Variants in SPTBN4 observed in about 807,000 individuals in gnomAD.
The protein encoded by SPTBN4 is spectrin beta chain, non-erythrocytic 4.
Under a neutral mutation model 277.8 loss-of-function variants are expected in SPTBN4, and 96 were observed. That is an observed-to-expected ratio of 0.35 (90% CI 0.29 to 0.41). The LOEUF is 0.41. Among genes scored for constraint, SPTBN4 ranks in the 10% least tolerant of loss-of-function variants. SPTBN4 has a pLI of 1.00. For synonymous variants in SPTBN4, 1,481 were observed against 1,580.3 expected (o/e 0.94, Z 1.49); for missense variants, 3,006 against 3,595.7 (o/e 0.84, Z 4.19).
chr19:40,485,978 TAA>T (rs35587768), intron 2 of SPTBN4, among the ~76,000 whole-genome samples: 5 of 129,330 alleles, frequency 3.9e-5, no homozygotes, highest in Admixed American at 7.9e-5. Context: ...AGGATGGCCA[TAA>T]AAAAAAAAAA....
chr19:40,537,415 T>C (rs1427064654), intron 20 of SPTBN4, among the ~76,000 whole-genome samples: 1 of 152,226 alleles, frequency 6.6e-6, no homozygotes, highest in Non-Finnish European at 1.5e-5. Context: ...TGAAAAACAC[T>C]GCTGCATGCT....
At chr19:40,482,403 G>A (rs2080022457) in intron 2 of SPTBN4, among the ~76,000 whole-genome samples, 1 of 152,032 alleles carries the variant, frequency 6.6e-6, no homozygotes, top group South Asian at 2.1e-4. Flanking sequence ...AGTCTTGTTA[G>A]CATGGAGCAA....
intron 16 of SPTBN4, among the ~76,000 whole-genome samples, chr19:40,521,960 A>G (rs1483628857): frequency 1.3e-5 from 2 of 149,780 alleles, no homozygotes; most frequent in African/African-American, 4.9e-5. Context: ...TGACCCACTC[A>G]TTTTACTAGT....
chr19:40,480,131 G>C (rs1429378161), intron 2 of SPTBN4, among the ~76,000 whole-genome samples: 3 of 151,818 alleles, frequency 2.0e-5, no homozygotes, highest in Non-Finnish European at 4.4e-5. Context: ...GGCACTTGTA[G>C]TCCCAGCTGC....
chr19:40,516,572 C>T (rs946094157), intron 15 of SPTBN4, among the ~76,000 whole-genome samples: 1 of 152,124 alleles, frequency 6.6e-6, no homozygotes, highest in African/African-American at 2.4e-5. Flanking sequence ...ACCTGTAATC[C>T]CAGCACTTTG....
chr19:40,518,697 T>A (rs2080487512), intron 15 of SPTBN4, among the ~76,000 whole-genome samples: 1 of 152,154 alleles, frequency 6.6e-6, no homozygotes, highest in African/African-American at 2.4e-5. Flanking sequence ...GTGCTGGGAT[T>A]ACAGGTGTGA....
At position 40,502,095 on chromosome 19, in the gene SPTBN4, A is replaced by T; in HGVS notation, c.898-33A>T. 6.2e-7 allele frequency: 1 copy of T among 1,613,322 alleles called. No individual in the cohort carries two copies. Among genetic ancestry groups the T allele is most frequent in the Admixed American group, 1.7e-5 (1 of 60,008 alleles). On this transcript the variant is annotated intron_variant, in intron 8 of 35. Transcript: ENST00000598249. The surrounding 1 kb of genome is among the most constrained non-coding windows in gnomAD (Gnocchi z 4.9). The stretch of plus-strand genomic sequence containing the variant: ...GAAGCTGGTGGCAGGCACGGGTGGG[A>T]TGAGGCTGACCCCCCTTCCTCTGCT...
intron 20 of SPTBN4, 137 bp downstream of exon 20, chr19:40,534,480 G>A: frequency 8.2e-7 from 1 of 1,226,032 alleles, no homozygotes; most frequent in Non-Finnish European, 1.1e-6. Context: ...GATGAGAAAG[G>A]GAATATTGAA....
At chr19:40,536,434 G>A (rs548498479) in intron 20 of SPTBN4, among the ~76,000 whole-genome samples, 16 of 152,098 alleles carry the variant, frequency 1.1e-4, no homozygotes, top group East Asian at 1.9e-4. Context: ...GGCTGGTCTC[G>A]AACTCCTGAC....
At chr19:40,520,198 C>T (rs2080511026) in intron 16 of SPTBN4, 47 bp downstream of exon 16, 9 of 1,097,526 alleles carry the variant, frequency 8.2e-6, no homozygotes, top group Middle Eastern at 6.1e-4. Context: ...TCCGAGGCCG[C>T]GGGGGGATTG....
At position 40,542,636 on chromosome 19, in the gene SPTBN4, C is replaced by T. The variant is rs886717388; in HGVS notation, c.4360-6553C>T. ...ACCCTAAGCAAAGCTCTTTCTCTGG[C>T]CAAGGAAACACCCTCCTCCCCCCTG... On this transcript the variant is annotated intron_variant, in intron 20 of 35. Coordinates refer to ENST00000598249, the MANE Select transcript of SPTBN4 (RefSeq NM_020971.3). 2.6e-5 allele frequency among the ~76,000 whole-genome samples: 4 copies of T among 151,264 alleles called. No homozygotes were observed. In the South Asian group the frequency reaches 8.4e-4, roughly 32 times the overall value.
chr19:40,538,468 A>T (rs2080763991), intron 20 of SPTBN4, among the ~76,000 whole-genome samples: 1 of 151,996 alleles, frequency 6.6e-6, no homozygotes, highest in African/African-American at 2.4e-5. Flanking sequence ...CTGGGGAGAT[A>T]ATACCCCAGA....
chr19:40,575,722 G>A lies in SPTBN4; in HGVS notation c.*153G>A. On this transcript the variant is annotated 3_prime_UTR_variant, in exon 36 of 36. Coordinates refer to ENST00000598249, the MANE Select transcript of SPTBN4 (RefSeq NM_020971.3). Reference sequence around the variant, plus strand: ...CACCGGAAAGGAGGGGACTTCTCCTGCACCCCAAGAAGTGGTGGGGAGATT... The same window carrying A: ...CACCGGAAAGGAGGGGACTTCTCCTACACCCCAAGAAGTGGTGGGGAGATT... The A allele has an allele frequency of 1.0e-6, 1 of 981,814 alleles. No individual in the cohort carries two copies. The highest frequency in any genetic ancestry group is 3.3e-4 in the Middle Eastern group (1 of 2,988). The allele number at this position is 981,814 out of a possible 1,614,324, so 60.8% of individuals were successfully genotyped here.
intron 16 of SPTBN4, among the ~76,000 whole-genome samples, chr19:40,521,541 C>T (rs970008826): frequency 4.6e-5 from 7 of 152,136 alleles, no homozygotes; most frequent in African/African-American, 9.7e-5. Context: ...GGATCCCCCA[C>T]ATGCGCAGTT....
chr19:40,482,547 C>T (rs967477139), intron 2 of SPTBN4, among the ~76,000 whole-genome samples: 3 of 152,134 alleles, frequency 2.0e-5, no homozygotes, highest in African/African-American at 7.2e-5. Context: ...CCAGGGTTGC[C>T]GTATCATGTG....
At chr19:40,518,352 G>C (rs921337472) in intron 15 of SPTBN4, among the ~76,000 whole-genome samples, 9 of 152,096 alleles carry the variant, frequency 5.9e-5, no homozygotes, top group African/African-American at 2.2e-4. Context: ...AGGACCCCAA[G>C]AGCTTGTTTT....
At chr19:40,483,179 G>C (rs1027188540) in intron 2 of SPTBN4, among the ~76,000 whole-genome samples, 1 of 152,022 alleles carries the variant, frequency 6.6e-6, no homozygotes, top group East Asian at 1.9e-4. Context: ...AAGTCACCTG[G>C]CCAGTTATTA....
At chr19:40,572,499 C>T in intron 35 of SPTBN4, 119 bp downstream of exon 35, 1 of 1,312,842 alleles carries the variant, frequency 7.6e-7, no homozygotes, top group South Asian at 1.2e-5. Flanking sequence ...GTTATCAGGG[C>T]TGTAATGGGA....
At chr19:40,512,565 G>A in intron 13 of SPTBN4, 41 bp from the exon 14 acceptor site, 1 of 1,487,280 alleles carries the variant, frequency 6.7e-7, no homozygotes. Context: ...GCGCCCCTTG[G>A]CTTGTGACCA....
Sources: allele counts gnomAD v4.1 joint callset (sites outside exome capture counted in the v4.1 genomes callset), GRCh38; gene constraint gnomAD v4.1.1; non-coding constraint Gnocchi (gnomAD v3.1); transcripts MANE v1.5; gene names NCBI Gene and HGNC (gene_info 2026-07-23, HGNC 2026-07-21).